The following MROH1 variants were observed in gnomAD, a reference collection of about 807,000 sequenced individuals.
MROH1 encodes maestro heat-like repeat-containing protein family member 1.
MROH1 carries 117 observed loss-of-function variants against 116.5 expected under a neutral mutation model. The ratio of observed to expected loss-of-function variants is 1.00; its 90% CI spans 0.86 to 1.17. The LOEUF is 1.17. Ranked by LOEUF, MROH1 falls within the 50% of genes most tolerant of loss-of-function variation. The probability of loss-of-function intolerance (pLI) is 0.00; values close to 1 mark genes in which losing one functional copy is unlikely to be tolerated. For missense variants in MROH1, 1,873 were observed against 1,338.5 expected, an observed-to-expected ratio of 1.40 and a Z score of -6.23; for synonymous variants, 921 against 583.9, an observed-to-expected ratio of 1.58 and a Z score of -8.32.
At chr8:144,200,762 G>A (rs991310812) in intron 12 of MROH1, 1 of 539,418 alleles carries the variant, frequency 1.9e-6, no homozygotes, top group African/African-American at 1.9e-5. Context: ...CACTTGCTTT[G>A]ACAGCTGGCT....
intron 29 of MROH1, among the ~76,000 whole-genome samples, chr8:144,246,781 C>T (rs1291525116): frequency 6.6e-6 from 1 of 152,164 alleles, no homozygotes; most frequent in Non-Finnish European, 1.5e-5. Flanking sequence ...ACAGGTGCGT[C>T]TGCCAGGGAG....
intron 7 of MROH1, among the ~76,000 whole-genome samples, chr8:144,181,321 G>GGGGGAGGGGCCGGTGATC (rs1219026508): frequency 2.6e-5 from 4 of 151,876 alleles, no homozygotes; most frequent in Non-Finnish European, 5.9e-5. Flanking sequence ...GGCCGGTGAT[G>GGGGGAGGGGCCGGTGATC]GGGGAGGGGC....
intron 14 of MROH1, among the ~76,000 whole-genome samples, chr8:144,229,591 A>G (rs531289254): frequency 1.6e-4 from 25 of 152,060 alleles, no homozygotes; most frequent in Non-Finnish European, 2.6e-4. Context: ...AGGTTTTGCT[A>G]TGTTGCCCAG....
Position 144,261,640 on chromosome 8 carries a change from C to G in MROH1, c.4841-15C>G. On this transcript the variant is annotated splice_polypyrimidine_tract_variant and intron_variant, in intron 43 of 43. Transcript: ENST00000326134. ...AGGTCACAGCCCGCAGGCAGCCCCC[C>G]TCCTCTACCCCCAGCGCTCCAGATC... 1 of 709,160 alleles carries G rather than the reference C, an allele frequency of 1.4e-6. No homozygotes were observed. Among genetic ancestry groups the G allele is most frequent in the East Asian group, 2.7e-5 (1 of 37,466 alleles). 43.9% of individuals were successfully genotyped at this position (709,160 alleles called of 1,614,324 possible).
At chr8:144,255,103 G>A (rs1843468086) in intron 34 of MROH1, 125 bp downstream of exon 34, 3 of 614,166 alleles carry the variant, frequency 4.9e-6, no homozygotes, top group Admixed American at 5.4e-5. Flanking sequence ...GGCAGCACCG[G>A]GCTGGGAGCT....
intron 12 of MROH1, among the ~76,000 whole-genome samples, chr8:144,215,523 C>T (rs2132224085): frequency 6.6e-6 from 1 of 152,328 alleles, no homozygotes; most frequent in African/African-American, 2.4e-5. Context: ...CCCCTCCTCC[C>T]TAGAGGACCA....
At chr8:144,236,636 G>C (rs1004695034) in intron 14 of MROH1, among the ~76,000 whole-genome samples, 2 of 151,744 alleles carry the variant, frequency 1.3e-5, no homozygotes, top group Non-Finnish European at 2.9e-5. Context: ...TCAGCTACTC[G>C]GGAGGCTGAG....
chr8:144,239,075 G>T lies in MROH1; in HGVS notation c.1487G>T (p.Arg496Leu). The change falls in exon 16 of 44, where the codon CGC becomes CTC. Residue 496 changes from arginine to leucine, a missense_variant. By Grantham distance (102) the Arg-to-Leu change is moderately radical. Coordinates refer to ENST00000326134, the MANE Select transcript of MROH1 (RefSeq NM_032450.3). Reference sequence around the variant, plus strand: ...CTGCTCCAGTTCCTCACCCCTGTGCGCTTCACTGGGGCCCTGACTCCGCTC... The same window carrying T: ...CTGCTCCAGTTCCTCACCCCTGTGCTCTTCACTGGGGCCCTGACTCCGCTC... ...PYLLQFLTPV[R>L]FTGALTPLCR... 1 of 777,694 alleles carries T rather than the reference G, an allele frequency of 1.3e-6. No individual in the cohort carries two copies. 48.2% of individuals were successfully genotyped at this position (777,694 alleles called of 1,614,324 possible). A position where few individuals can be genotyped will look rare whatever the true frequency, so the allele number is the denominator to read the frequency against.
chr8:144,195,619 G>T (rs1308053328), intron 10 of MROH1, among the ~76,000 whole-genome samples: 1 of 151,254 alleles, frequency 6.6e-6, no homozygotes, highest in Non-Finnish European at 1.5e-5. Flanking sequence ...TGAGATTACA[G>T]ATGTGAGCCA....
rs912587221 is a variant in MROH1, at chr8:144,240,701, G to C, written c.1935+24G>C. 911 of 713,834 alleles carry C rather than the reference G, an allele frequency of 1.3e-3. 4 individuals carry two copies. In the African/African-American group the frequency reaches 0.013, roughly 10 times the overall value. The allele number at this position is 713,834 out of a possible 1,614,324, so 44.2% of individuals were successfully genotyped here. A position where few individuals can be genotyped will look rare whatever the true frequency, so the allele number is the denominator to read the frequency against. On this transcript the variant is annotated intron_variant, in intron 20 of 43. Transcript: ENST00000326134. ...AGGTGGGGCACCTGCTGGCGTTCTT[G>C]GTGTGGTACTTGGGCTCCGAGTTTC...
At chr8:144,238,517 G>A (rs1013735970) in intron 14 of MROH1, among the ~76,000 whole-genome samples, 1 of 152,218 alleles carries the variant, frequency 6.6e-6, no homozygotes, top group Non-Finnish European at 1.5e-5. Context: ...TTTTTATGGA[G>A]TCAGTAGCTT....
chr8:144,173,790 G>A (rs1823122009), intron 4 of MROH1, among the ~76,000 whole-genome samples: 1 of 152,198 alleles, frequency 6.6e-6, no homozygotes, highest in Non-Finnish European at 1.5e-5. Context: ...GCCCAGCCAT[G>A]CTGGCGTGCC....
chr8:144,150,204 G>T (rs965090144), intron 1 of MROH1, among the ~76,000 whole-genome samples: 1 of 152,134 alleles, frequency 6.6e-6, no homozygotes, highest in Non-Finnish European at 1.5e-5. Flanking sequence ...AGGAACTCTG[G>T]GCCTGGGATG....
chr8:144,238,227 C>G (rs1840376944), intron 14 of MROH1, among the ~76,000 whole-genome samples: 2 of 150,928 alleles, frequency 1.3e-5, no homozygotes, highest in Admixed American at 1.3e-4. Context: ...GAAGTCCCTG[C>G]AGTGTTGCCA....
Position 144,180,550 on chromosome 8 carries a change from T to C in MROH1, c.562+27T>C. 1.3e-6 allele frequency: 2 copies of C among 1,598,476 alleles called. No homozygotes were observed. Among genetic ancestry groups the C allele is most frequent in the Non-Finnish European group, 8.5e-7 (1 of 1,174,172 alleles). Reference sequence around the variant, plus strand: ...TAAGAGGCGGCCTCGTCACCTTCTGTCTCAAGTGCCCCTTTGTGGGGGGCT... The same window carrying C: ...TAAGAGGCGGCCTCGTCACCTTCTGCCTCAAGTGCCCCTTTGTGGGGGGCT... On this transcript the variant is annotated intron_variant, in intron 7 of 43. Coordinates refer to ENST00000326134, the MANE Select transcript of MROH1 (RefSeq NM_032450.3). The surrounding 1 kb of genome is among the most constrained non-coding windows in gnomAD (Gnocchi z 7.4).
rs1554834907 is a variant in MROH1, at chr8:144,260,044, G to A, written c.4178G>A (p.Gly1393Asp). 1 of 725,082 alleles carries A rather than the reference G, an allele frequency of 1.4e-6. No individual in the cohort carries two copies. The highest frequency in any genetic ancestry group is 1.7e-5 in the African/African-American group (1 of 58,074). 44.9% of individuals were successfully genotyped at this position (725,082 alleles called of 1,614,324 possible). A position where few individuals can be genotyped will look rare whatever the true frequency, so the allele number is the denominator to read the frequency against. The change falls in exon 38 of 44, where the codon GGC becomes GAC. Residue 1393 changes from glycine (G) to aspartate (D), a missense_variant. Physicochemically the swap from Gly to Asp is moderately conservative, Grantham distance 94. Transcript: ENST00000326134. ...VLRGLANLAS[G>D]CPDKVRTHGP... ...CGCGGCCTGGCCAACCTGGCCTCCGGCTGCCCTGACAAGGTGGGGTGGCCA... is the reference window on the plus strand; with the variant it reads ...CGCGGCCTGGCCAACCTGGCCTCCGACTGCCCTGACAAGGTGGGGTGGCCA...
chr8:144,209,024 ATTT>A, intron 12 of MROH1, among the ~76,000 whole-genome samples: 1 of 128,378 alleles, frequency 7.8e-6, no homozygotes. Context: ...GCACTCGGCC[ATTT>A]TGTGTGTGTG....
At chr8:144,225,910 G>GTTTGTT (rs1837705052) in intron 14 of MROH1, among the ~76,000 whole-genome samples, 6 of 87,558 alleles carry the variant, frequency 6.9e-5, no homozygotes, top group African/African-American at 2.6e-4. Flanking sequence ...TTCATTTTTA[G>GTTTGTT]TTTTTTTTTT....
In MROH1 at chr8:144,261,757, C is replaced by A. The variant is rs1406154535; in HGVS notation, c.*17C>A. On this transcript the variant is annotated 3_prime_UTR_variant, in exon 44 of 44. Transcript: ENST00000326134. ...CTCGCCTAAGGCTCCGGCCAGCACC[C>A]CCAGCGAGGAGTATGCACCCAGACC... is the stretch of plus-strand genomic sequence containing the variant. 22 of 705,128 alleles carry A rather than the reference C, an allele frequency of 3.1e-5. No individual in the cohort carries two copies. In the Middle Eastern group the frequency reaches 1.4e-3, roughly 45 times the overall value. 43.7% of individuals were successfully genotyped at this position (705,128 alleles called of 1,614,324 possible).
Sources: allele counts gnomAD v4.1 joint callset (sites outside exome capture counted in the v4.1 genomes callset), GRCh38; gene constraint gnomAD v4.1.1; non-coding constraint Gnocchi (gnomAD v3.1); transcripts MANE v1.5; gene names NCBI Gene and HGNC (gene_info 2026-07-23, HGNC 2026-07-21).